Variants in RPH3A observed in about 807,000 individuals in gnomAD.
The protein encoded by RPH3A is rabphilin-3A.
RPH3A carries 48 observed loss-of-function variants against 102.2 expected under a neutral mutation model. That is an observed-to-expected ratio of 0.47 (90% CI 0.37 to 0.60). The LOEUF (loss-of-function observed/expected upper bound fraction) is 0.60. Ranked by LOEUF, RPH3A falls within the 20% of genes least tolerant of loss-of-function variation. The probability of loss-of-function intolerance (pLI) is 0.00; values close to 1 mark genes in which losing one functional copy is unlikely to be tolerated. For missense variants in RPH3A, 781 were observed against 910.1 expected, an observed-to-expected ratio of 0.86 and a Z score of 1.83; for synonymous variants, 310 against 324.3, an observed-to-expected ratio of 0.96 and a Z score of 0.47.
In RPH3A at chr12:112,898,813, A is replaced by C. The variant is rs964147181; in HGVS notation, c.*2033A>C. On this transcript the variant is annotated 3_prime_UTR_variant, in exon 22 of 22. Coordinates refer to ENST00000389385, the MANE Select transcript of RPH3A (RefSeq NM_001143854.2). ...AGAATACACACACGTCCTCCGGTGCATGCACAACCACCCAGCATCTTTCTT... is the reference window on the plus strand; with the variant it reads ...AGAATACACACACGTCCTCCGGTGCCTGCACAACCACCCAGCATCTTTCTT... The C allele has an allele frequency of 6.6e-6, 1 of 152,314 alleles. No individual in the cohort carries two copies. Among genetic ancestry groups the C allele is most frequent in the African/African-American group, 2.4e-5 (1 of 41,472 alleles). 9.4% of individuals were successfully genotyped at this position (152,314 alleles called of 1,614,324 possible).
At chr12:112,794,447 A>G (rs11066416) in intron 2 of RPH3A, among the ~76,000 whole-genome samples, 18,536 of 152,172 alleles carry the variant, frequency 0.12, 1,825 homozygotes, top group African/African-American at 0.27. Flanking sequence ...GTCTCTTGTG[A>G]GAACTTTGCT....
intron 1 of RPH3A, among the ~76,000 whole-genome samples, chr12:112,579,040 C>A (rs1316926171): frequency 6.6e-6 from 1 of 152,136 alleles, no homozygotes; most frequent in African/African-American, 2.4e-5. Flanking sequence ...TTAAAGCTAT[C>A]GTGCCTGGGA....
In RPH3A at chr12:112,895,743, C is replaced by A. The variant is rs1210597723; in HGVS notation, c.1858-34C>A. The A allele has an allele frequency of 2.7e-6, 4 of 1,482,732 alleles. No homozygotes were observed. In the African/African-American group the frequency reaches 4.1e-5, roughly 15 times the overall value. The allele number at this position is 1,482,732 out of a possible 1,614,324, so 91.8% of individuals were successfully genotyped here. On this transcript the variant is annotated intron_variant, in intron 20 of 21. Coordinates refer to ENST00000389385, the MANE Select transcript of RPH3A (RefSeq NM_001143854.2). ...CTCCCAATGCTGTGGGTTCAGAGGG[C>A]TCTTACCCACATGTCTTCCTCTGTT... is the stretch of plus-strand genomic sequence containing the variant.
chr12:112,788,235 C>T (rs1311892574), upstream of RPH3A, among the ~76,000 whole-genome samples: 1 of 152,214 alleles, frequency 6.6e-6, no homozygotes, highest in African/African-American at 2.4e-5. Flanking sequence ...GTGGAGAGCT[C>T]AGGTTTCAAC....
At chr12:112,645,914 G>A (rs1474260398) in intron 1 of RPH3A, among the ~76,000 whole-genome samples, 4 of 152,072 alleles carry the variant, frequency 2.6e-5, no homozygotes, top group Non-Finnish European at 5.9e-5. Context: ...ACCATCCCAC[G>A]ATCAAATCTC....
intron 1 of RPH3A, among the ~76,000 whole-genome samples, chr12:112,644,542 C>T (rs1309086771): frequency 6.6e-6 from 1 of 152,196 alleles, no homozygotes; most frequent in African/African-American, 2.4e-5. Context: ...GTCACAGGTG[C>T]ATGCCATCTG....
intron 1 of RPH3A, among the ~76,000 whole-genome samples, chr12:112,785,116 G>A (rs977956983): frequency 3.3e-5 from 5 of 152,240 alleles, no homozygotes; most frequent in Admixed American, 3.3e-4. Context: ...CAGCTACTTG[G>A]GAGGCTGAGG....
At chr12:112,852,787 C>T (rs1327169287) in intron 5 of RPH3A, among the ~76,000 whole-genome samples, 1 of 152,192 alleles carries the variant, frequency 6.6e-6, no homozygotes, top group East Asian at 1.9e-4. Flanking sequence ...TGGAATTAGA[C>T]ATTTGCCTCC....
intron 1 of RPH3A, among the ~76,000 whole-genome samples, chr12:112,688,501 T>C (rs991854773): frequency 3.9e-5 from 6 of 152,320 alleles, no homozygotes; most frequent in Admixed American, 3.3e-4. Context: ...ATCATGTTCT[T>C]GTTCTTTAGT....
chr12:112,808,368 C>T (rs534342332), intron 2 of RPH3A, among the ~76,000 whole-genome samples: 114 of 152,318 alleles, frequency 7.5e-4, no homozygotes, highest in African/African-American at 2.6e-3. Context: ...GCTGGTGGAG[C>T]GGCAGGCTTA....
chr12:112,875,794 TC>T, intron 12 of RPH3A, 53 bp downstream of exon 12: 1 of 1,515,678 alleles, frequency 6.6e-7, no homozygotes, highest in Admixed American at 1.7e-5. Context: ...CTCCCCTACC[TC>T]CCTGAGAGAG....
intron 4 of RPH3A, among the ~76,000 whole-genome samples, chr12:112,844,115 C>A (rs962333090): frequency 6.6e-6 from 1 of 152,200 alleles, no homozygotes; most frequent in African/African-American, 2.4e-5. Context: ...GTGATCCCCA[C>A]CTCTTGGTGT....
chr12:112,605,703 T>C (rs951859726), intron 1 of RPH3A, among the ~76,000 whole-genome samples: 1 of 152,212 alleles, frequency 6.6e-6, no homozygotes, highest in East Asian at 1.9e-4. Context: ...CAAGCAAGTC[T>C]TTCTCCCCTA....
At chr12:112,730,754 C>T (rs1029180101) in intron 1 of RPH3A, among the ~76,000 whole-genome samples, 5 of 152,134 alleles carry the variant, frequency 3.3e-5, no homozygotes, top group Admixed American at 1.3e-4. Context: ...AGTTAACCAA[C>T]GTCATTGGAA....
Position 112,582,052 on chromosome 12 carries a change from G to A in RPH3A, c.-140+6733G>A, listed in dbSNP as rs1320739749. Among the ~76,000 whole-genome samples, 2 of 147,680 alleles carry A rather than the reference G, an allele frequency of 1.4e-5. 1 individual carries two copies. Among genetic ancestry groups the A allele is most frequent in the Non-Finnish European group, 3.0e-5 (2 of 67,042 alleles). ...AAACAATTTGGAAAAAATCAAAAAA[G>A]GATAAGTGAAAACTATCCACAATTC... On this transcript the variant is annotated intron_variant, in intron 1 of 21. Transcript: ENST00000543106.
intron 21 of RPH3A, 28 bp downstream of exon 21, chr12:112,895,901 G>A (rs775151657): frequency 1.6e-5 from 24 of 1,488,430 alleles, no homozygotes; most frequent in East Asian, 9.0e-5. Flanking sequence ...CAGAGAAAAC[G>A]CCCTCTTCTG....
intron 1 of RPH3A, among the ~76,000 whole-genome samples, chr12:112,738,604 G>A (rs1296823524): frequency 1.3e-5 from 2 of 152,116 alleles, no homozygotes; most frequent in South Asian, 2.1e-4. Context: ...GTAGAAGGGG[G>A]CGGGAAGGGT....
chr12:112,720,896 A>G (rs1401711276), intron 1 of RPH3A, among the ~76,000 whole-genome samples: 1 of 152,218 alleles, frequency 6.6e-6, no homozygotes. Context: ...GGAAAGGATG[A>G]AGAATTGGAG....
At chr12:112,680,498 C>T (rs141104297) in intron 1 of RPH3A, among the ~76,000 whole-genome samples, 44 of 152,194 alleles carry the variant, frequency 2.9e-4, no homozygotes, top group Middle Eastern at 6.8e-3. Context: ...AACTGAGGCC[C>T]GGAGAAGTCA....
Sources: gnomAD v4.1 joint callset for allele counts (sites outside exome capture counted in the v4.1 genomes callset) on GRCh38, gnomAD v4.1.1 for gene constraint, MANE v1.5 for transcripts, NCBI Gene and HGNC (gene_info 2026-07-23, HGNC 2026-07-21) for gene names.